The following FAM135B variants were observed in gnomAD, a reference collection of about 807,000 sequenced individuals.
FAM135B encodes protein FAM135B.
A neutral mutation model predicts 127.7 loss-of-function variants in FAM135B; 43 were observed. That is an observed-to-expected ratio of 0.34 (90% CI 0.26 to 0.43). FAM135B has a LOEUF of 0.43. Among genes scored for constraint, FAM135B ranks in the 20% least tolerant of loss-of-function variants. The pLI is 1.00. For synonymous variants in FAM135B, 670 were observed against 665.1 expected, an observed-to-expected ratio of 1.01 and a Z score of -0.11; for missense variants, 1,558 against 1,725.6, an observed-to-expected ratio of 0.90 and a Z score of 1.72.
In FAM135B at chr8:138,225,141, T is replaced by C. The variant is rs114680964; in HGVS notation, c.669+17801A>G. Among the ~76,000 whole-genome samples the C allele has an allele frequency of 7.9e-3, 1,205 of 152,318 alleles. 11 individuals carry two copies. The highest frequency in any genetic ancestry group is 0.026 in the African/African-American group (1,061 of 41,560). ...TGGTGAGTGACAGATTAGATAGATA[T>C]GTTAATTAGCTTGATTTAATCTATA... On this transcript the variant is annotated intron_variant, in intron 7 of 19. Transcript: ENST00000395297.
intron 2 of FAM135B, among the ~76,000 whole-genome samples, chr8:138,320,531 T>A (rs1827379979): frequency 6.6e-6 from 1 of 152,230 alleles, no homozygotes; most frequent in Non-Finnish European, 1.5e-5. Context: ...TTCATGTATT[T>A]CATTGTTTTC....
At chr8:138,282,110 A>T (rs539850155) in intron 3 of FAM135B, among the ~76,000 whole-genome samples, 1 of 152,364 alleles carries the variant, frequency 6.6e-6, no homozygotes, top group South Asian at 2.1e-4. Context: ...TCTCTAAAAC[A>T]GATTTTTCCT....
In FAM135B at chr8:138,212,961, A is replaced by G. The variant is rs576105755; in HGVS notation, c.670-15292T>C. Reference sequence around the variant, plus strand: ...TTTTAAAAAAAATTACTAGTCTCCAATTTAATGTGTACACGTTTCTTAAAA... The same window carrying G: ...TTTTAAAAAAAATTACTAGTCTCCAGTTTAATGTGTACACGTTTCTTAAAA... On this transcript the variant is annotated intron_variant, in intron 7 of 19. Transcript: ENST00000395297. Among the ~76,000 whole-genome samples the G allele has an allele frequency of 2.6e-5, 4 of 152,322 alleles. No individual in the cohort carries two copies. In the South Asian group the frequency reaches 6.2e-4, roughly 24 times the overall value.
chr8:138,208,085 T>C (rs958762579), intron 7 of FAM135B, among the ~76,000 whole-genome samples: 1 of 152,202 alleles, frequency 6.6e-6, no homozygotes, highest in Admixed American at 6.5e-5. Flanking sequence ...ATGAGGCCAC[T>C]GAGGTTACCA....
chr8:138,147,484 A>G (rs1340705310), intron 14 of FAM135B, among the ~76,000 whole-genome samples: 2 of 152,198 alleles, frequency 1.3e-5, no homozygotes, highest in Non-Finnish European at 2.9e-5. Flanking sequence ...TACAACATGA[A>G]GAGTTGTGTA....
intron 1 of FAM135B, among the ~76,000 whole-genome samples, chr8:138,462,965 T>G (rs1837210613): frequency 1.3e-5 from 2 of 152,204 alleles, no homozygotes; most frequent in African/African-American, 4.8e-5. Flanking sequence ...CAGCAGGCTA[T>G]TTACATTACA....
intron 18 of FAM135B, 36 bp from the exon 19 acceptor site, chr8:138,137,296 G>T (rs1304688655): frequency 1.7e-6 from 2 of 1,179,420 alleles, no homozygotes; most frequent in African/African-American, 1.5e-5. Flanking sequence ...TTTTTACCCA[G>T]GTAGTTTCAA....
rs111282074 is a variant in FAM135B at position 138,235,686 on chromosome 8, C to G, written c.669+7256G>C. On this transcript the variant is annotated intron_variant, in intron 7 of 19. Transcript: ENST00000395297. ...CCACCCTGCCCTGCCAGACACACAC[C>G]TCCCATCAGAGGAGAAGGGGCTGTC... Among the ~76,000 whole-genome samples, 779 of 152,246 alleles carry G rather than the reference C, an allele frequency of 5.1e-3. 6 individuals carry two copies. Among genetic ancestry groups the G allele is most frequent in the Non-Finnish European group, 6.8e-3 (465 of 68,024 alleles).
intron 3 of FAM135B, among the ~76,000 whole-genome samples, chr8:138,293,187 T>C (rs950013876): frequency 2.0e-5 from 3 of 152,136 alleles, no homozygotes; most frequent in African/African-American, 7.2e-5. Context: ...GAAAACTGGA[T>C]AGCCACAGGT....
At chr8:138,391,068 G>A (rs1227610251) in intron 1 of FAM135B, among the ~76,000 whole-genome samples, 3 of 151,876 alleles carry the variant, frequency 2.0e-5, no homozygotes, top group East Asian at 1.9e-4. Flanking sequence ...TTCCAAACCC[G>A]AGAGTCACCC....
intron 2 of FAM135B, among the ~76,000 whole-genome samples, chr8:138,312,250 G>A (rs1826744684): frequency 6.6e-6 from 1 of 152,086 alleles, no homozygotes; most frequent in South Asian, 2.1e-4. Flanking sequence ...CGGCCAAAAT[G>A]AGTATTTTTC....
At chr8:138,461,844 T>C (rs775869576) in intron 1 of FAM135B, among the ~76,000 whole-genome samples, 1 of 152,160 alleles carries the variant, frequency 6.6e-6, no homozygotes, top group African/African-American at 2.4e-5. Context: ...TACTCAAAAA[T>C]GCTGATCTTC....
intron 3 of FAM135B, among the ~76,000 whole-genome samples, chr8:138,288,494 G>C (rs949071363): frequency 6.6e-6 from 1 of 152,134 alleles, no homozygotes; most frequent in African/African-American, 2.4e-5. Context: ...AAGGAAGGTG[G>C]GGGAGACAGA....
intron 1 of FAM135B, among the ~76,000 whole-genome samples, chr8:138,382,633 A>G (rs1250498931): frequency 6.6e-6 from 1 of 152,172 alleles, no homozygotes; most frequent in African/African-American, 2.4e-5. Flanking sequence ...TCTGCACAGG[A>G]TAACTGTGAA....
Position 138,170,217 on chromosome 8 carries a change from CTTTTT to C in FAM135B, c.1104-2173_1104-2169del, listed in dbSNP as rs141401317. 7.6e-3 allele frequency among the ~76,000 whole-genome samples: 851 copies of C among 112,026 alleles called. 6 individuals are homozygous for C. Among genetic ancestry groups the C allele is most frequent in the African/African-American group, 0.027 (777 of 28,866 alleles). 73.5% of individuals were successfully genotyped at this position (112,026 alleles called of 152,430 possible). ...GTTGTAACTAAGACACTGTTACTAT[CTTTTT>C]TTTTTTTTTTTTTTTTTGAGACAGA... is the stretch of plus-strand genomic sequence containing the variant. On this transcript the variant is annotated intron_variant, in intron 11 of 19. Transcript: ENST00000395297.
intron 1 of FAM135B, among the ~76,000 whole-genome samples, chr8:138,448,703 G>T (rs1836328602): frequency 6.6e-6 from 1 of 150,396 alleles, no homozygotes; most frequent in African/African-American, 2.5e-5. Flanking sequence ...ATAATATCAT[G>T]AAACTAACAT....
chr8:138,176,354 G>A (rs936472964), intron 11 of FAM135B, among the ~76,000 whole-genome samples: 36 of 152,212 alleles, frequency 2.4e-4, no homozygotes, highest in Non-Finnish European at 4.1e-4. Flanking sequence ...TGACCCTCAC[G>A]GTTATGTTTG....
intron 8 of FAM135B, among the ~76,000 whole-genome samples, 193 bp from the exon 9 acceptor site, chr8:138,195,500 ATGGAC>A (rs71956584): frequency 0.25 from 38,639 of 151,902 alleles, 6,270 homozygotes; most frequent in African/African-American, 0.44. Context: ...GATTGGAGCC[ATGGAC>A]TGGACTGAGC....
At chr8:138,432,548 T>A (rs1835250781) in intron 1 of FAM135B, among the ~76,000 whole-genome samples, 1 of 151,842 alleles carries the variant, frequency 6.6e-6, no homozygotes, top group Non-Finnish European at 1.5e-5. Flanking sequence ...TTCTGCTTGA[T>A]ATATAGAGAG....
Sources: gnomAD v4.1 joint callset for allele counts (sites outside exome capture counted in the v4.1 genomes callset) on GRCh38, gnomAD v4.1.1 for gene constraint, MANE v1.5 for transcripts, NCBI Gene and HGNC (gene_info 2026-07-23, HGNC 2026-07-21) for gene names.